Variants in GMPR observed in about 807,000 individuals in gnomAD.
The protein encoded by GMPR is GMP reductase 1.
GMPR carries 31 observed loss-of-function variants against 38.4 expected under a neutral mutation model. That is an observed-to-expected ratio of 0.81 (90% CI 0.61 to 1.09). The LOEUF (loss-of-function observed/expected upper bound fraction) is 1.09. Ranked by LOEUF, GMPR falls within the 50% of genes least tolerant of loss-of-function variation. The pLI is 0.00. For synonymous variants in GMPR, 162 were observed against 173.3 expected (o/e 0.93, Z 0.51); for missense variants, 468 against 453.7 (o/e 1.03, Z -0.29).
chr6:16,248,868 T>TCGCTGTGCTCTTC (rs1409008005), intron 2 of GMPR, among the ~76,000 whole-genome samples: 4 of 152,216 alleles, frequency 2.6e-5, no homozygotes, highest in Admixed American at 2.6e-4. Context: ...AACCTAGGAC[T>TCGCTGTGCTCTTC]CGCTGTGCTC....
chr6:16,268,637 C>T (rs568649442), intron 4 of GMPR, among the ~76,000 whole-genome samples: 18 of 152,272 alleles, frequency 1.2e-4, no homozygotes, highest in African/African-American at 3.9e-4. Context: ...CAAATCTAGC[C>T]GCCTGCTGCC....
chr6:16,267,402 G>A (rs1018186554), intron 4 of GMPR, among the ~76,000 whole-genome samples: 2 of 151,788 alleles, frequency 1.3e-5, no homozygotes, highest in East Asian at 3.9e-4. Context: ...TCACTGTGAA[G>A]GTCTGTGGCT....
chr6:16,294,149 G>T (rs1449859336), intron 8 of GMPR, among the ~76,000 whole-genome samples: 1 of 152,164 alleles, frequency 6.6e-6, no homozygotes, highest in Non-Finnish European at 1.5e-5. Flanking sequence ...GGCCAGACTT[G>T]AGTTTCTAAA....
At chr6:16,267,385 G>C (rs1158622201) in intron 4 of GMPR, among the ~76,000 whole-genome samples, 1 of 151,676 alleles carries the variant, frequency 6.6e-6, no homozygotes, top group Non-Finnish European at 1.5e-5. Flanking sequence ...ACAAAGAGCT[G>C]TAACACTCAC....
rs201724062 is a variant in GMPR at position 16,243,072 on chromosome 6, C to CG, written c.88-3763dup. 9.1e-3 allele frequency among the ~76,000 whole-genome samples: 1,362 copies of CG among 150,140 alleles called. 18 individuals are homozygous for CG. Among genetic ancestry groups the CG allele is most frequent in the African/African-American group, 0.031 (1,242 of 40,660 alleles). On this transcript the variant is annotated intron_variant, in intron 1 of 8. Transcript: ENST00000259727. ...GGTTAGGACTTCAACATTTTGGGGGCGGGGGGGAGACATAATTCAACCCAT... is the reference window on the plus strand; with the variant it reads ...GGTTAGGACTTCAACATTTTGGGGGCGGGGGGGGAGACATAATTCAACCCAT...
intron 3 of GMPR, among the ~76,000 whole-genome samples, chr6:16,251,342 G>A (rs979765140): frequency 6.6e-6 from 1 of 152,174 alleles, no homozygotes; most frequent in Non-Finnish European, 1.5e-5. Flanking sequence ...AGGCCGAGTC[G>A]GGTGGATCAC....
At position 16,254,710 on chromosome 6, in the gene GMPR, C is replaced by G. The variant is rs142197224; in HGVS notation, c.440C>G (p.Ala147Gly). The G allele has an allele frequency of 6.2e-7, 1 of 1,613,230 alleles. No individual in the cohort carries two copies. Among genetic ancestry groups the G allele is most frequent in the African/African-American group, 1.3e-5 (1 of 74,856 alleles). ...HFVEFVKLVR[A>G]KFPEHTIMAG... ...GTGGAATTCGTGAAACTTGTCCGTG[C>G]CAAATTTCCTGAACACACCATTATG... Residue 147 changes from alanine to glycine, a missense_variant, in exon 4 of 9, where the codon GCC becomes GGC. Coordinates refer to ENST00000259727, the MANE Select transcript of GMPR (RefSeq NM_006877.4).
intron 1 of GMPR, among the ~76,000 whole-genome samples, chr6:16,239,728 A>G (rs548230770): frequency 4.3e-4 from 66 of 152,336 alleles, no homozygotes; most frequent in African/African-American, 1.6e-3. Context: ...CCCCTCAGCA[A>G]AGAAGTCCGC....
At chr6:16,294,066 C>A (rs1053036901) in intron 8 of GMPR, among the ~76,000 whole-genome samples, 2 of 152,158 alleles carry the variant, frequency 1.3e-5, no homozygotes, top group African/African-American at 4.8e-5. Context: ...AGCAGTGTTA[C>A]CTGGTGGCTT....
intron 6 of GMPR, among the ~76,000 whole-genome samples, chr6:16,279,239 G>A (rs549976435): frequency 5.3e-5 from 8 of 152,298 alleles, no homozygotes; most frequent in African/African-American, 1.7e-4. Flanking sequence ...TTCTGGAGAC[G>A]AGAAGCCCAA....
intron 2 of GMPR, among the ~76,000 whole-genome samples, chr6:16,248,076 T>C (rs1758794685): frequency 6.6e-6 from 1 of 150,938 alleles, no homozygotes; most frequent in Non-Finnish European, 1.5e-5. Flanking sequence ...CAAAAAAATA[T>C]GAAAATTGGC....
chr6:16,277,932 T>G, intron 5 of GMPR, among the ~76,000 whole-genome samples: 1 of 151,070 alleles, frequency 6.6e-6, no homozygotes, highest in Admixed American at 6.6e-5. Context: ...CTGATCTGGG[T>G]AAAGTGGGGT....
chr6:16,272,311 C>A (rs1327637177), intron 4 of GMPR, among the ~76,000 whole-genome samples: 1 of 152,212 alleles, frequency 6.6e-6, no homozygotes, highest in East Asian at 1.9e-4. Flanking sequence ...ATTTACAGTT[C>A]TGCACTGTTA....
At chr6:16,281,550 G>T (rs1004327872) in intron 6 of GMPR, among the ~76,000 whole-genome samples, 6 of 152,026 alleles carry the variant, frequency 3.9e-5, no homozygotes, top group South Asian at 4.1e-4. Flanking sequence ...GTATCGCCCA[G>T]GCTGGAGTGC....
chr6:16,277,359 C>G (rs751274812), intron 5 of GMPR, among the ~76,000 whole-genome samples: 18 of 152,202 alleles, frequency 1.2e-4, no homozygotes, highest in African/African-American at 1.9e-4. Flanking sequence ...AATTAGCATC[C>G]TACAAGGTGG....
At chr6:16,260,668 C>T (rs1209652410) in intron 4 of GMPR, among the ~76,000 whole-genome samples, 8 of 151,954 alleles carry the variant, frequency 5.3e-5, no homozygotes, top group African/African-American at 1.2e-4. Flanking sequence ...TTCTAAGAGG[C>T]GGGCTAGTGG....
intron 7 of GMPR, chr6:16,290,153 AAG>A (rs1224878365): frequency 1.1e-5 from 3 of 261,104 alleles, no homozygotes; most frequent in Admixed American, 4.5e-5. Flanking sequence ...CTGTGATTCT[AAG>A]AGAGTTAGAT....
In GMPR at chr6:16,290,201, A is replaced by G. The variant is rs550139841; in HGVS notation, c.698-261A>G. On this transcript the variant is annotated intron_variant, in intron 7 of 8. Coordinates refer to ENST00000259727, the MANE Select transcript of GMPR (RefSeq NM_006877.4). ...TGGTCGTAGTTAGCCATTAAAAGCC[A>G]TTCAGCATGGTCCAGTATATGGGAC... 2.2e-5 allele frequency: 9 copies of G among 405,410 alleles called. No individual in the cohort carries two copies. The Admixed American group carries it at 2.8e-4, about 13-fold the overall frequency. The allele number at this position is 405,410 out of a possible 1,614,324, so 25.1% of individuals were successfully genotyped here. A position where few individuals can be genotyped will look rare whatever the true frequency, so the allele number is the denominator to read the frequency against.
chr6:16,285,803 G>A lies in GMPR; in HGVS notation c.665G>A (p.Cys222Tyr). The A allele has an allele frequency of 2.5e-6, 4 of 1,613,264 alleles. No individual in the cohort carries two copies. Among genetic ancestry groups the A allele is most frequent in the Non-Finnish European group, 2.5e-6 (3 of 1,179,570 alleles). Residue 222 changes from cysteine to tyrosine, a missense_variant, in exon 7 of 9, where the codon TGT becomes TAT. By Grantham distance (194) the Cys-to-Tyr change is radical. Coordinates refer to ENST00000259727, the MANE Select transcript of GMPR (RefSeq NM_006877.4). ...TTTTCCTCTGTGAAGGATGGAGGCT[G>A]TACGTGTCCAGGGGATGTCGCCAAA... ...LKGHIISDGG[C>Y]TCPGDVAKAF... is the part of the protein sequence containing the mutation.
Sources: allele counts gnomAD v4.1 joint callset (sites outside exome capture counted in the v4.1 genomes callset), GRCh38; gene constraint gnomAD v4.1.1; transcripts MANE v1.5; gene names NCBI Gene and HGNC (gene_info 2026-07-23, HGNC 2026-07-21).